The following KCNIP4 variants were observed in gnomAD, a reference collection of about 807,000 sequenced individuals.
KCNIP4 encodes the protein Kv channel-interacting protein 4.
A neutral mutation model predicts 34.0 loss-of-function variants in KCNIP4; 12 were observed. The ratio of observed to expected loss-of-function variants is 0.35; its 90% CI spans 0.23 to 0.57. The LOEUF is 0.57. KCNIP4 is among the 20% of genes least tolerant of loss of function. The pLI is 0.83. For missense variants in KCNIP4, 238 were observed against 311.7 expected (o/e 0.76, Z 1.78); for synonymous variants, 124 against 102.2 (o/e 1.21, Z -1.29).
In KCNIP4 at chr4:21,417,219, CAAGAA is replaced by C. The variant is rs372579895; in HGVS notation, c.61+531347_61+531351del. ...CCCAAACATAAGGTCGTGCAGAGCA[CAAGAA>C]AAGAGAGAGACTGTATTTCCATCAC... On this transcript the variant is annotated intron_variant, in intron 1 of 8. Coordinates refer to ENST00000382152, the MANE Select transcript of KCNIP4 (RefSeq NM_025221.6). Among the ~76,000 whole-genome samples, 506 of 151,860 alleles carry C rather than the reference CAAGAA, an allele frequency of 3.3e-3. 3 individuals carry two copies. Among genetic ancestry groups the C allele is most frequent in the African/African-American group, 0.012 (486 of 41,428 alleles).
At chr4:21,199,366 G>A (rs1011272221) in intron 1 of KCNIP4, among the ~76,000 whole-genome samples, 3 of 152,254 alleles carry the variant, frequency 2.0e-5, no homozygotes, top group African/African-American at 4.8e-5. Flanking sequence ...CTGCATAAAT[G>A]TCTTGAGAAC....
chr4:21,572,032 T>C (rs1176133999), intron 1 of KCNIP4, among the ~76,000 whole-genome samples: 1 of 152,138 alleles, frequency 6.6e-6, no homozygotes. Flanking sequence ...GCAAATAAGA[T>C]GCAAAAATAG....
chr4:20,950,917 A>G (rs913463161), intron 1 of KCNIP4, among the ~76,000 whole-genome samples: 6 of 152,064 alleles, frequency 3.9e-5, no homozygotes, highest in African/African-American at 1.4e-4. Context: ...TTCACAGAAT[A>G]CCACTCTAAA....
At chr4:20,904,163 G>A (rs1390441985) in intron 1 of KCNIP4, among the ~76,000 whole-genome samples, 1 of 152,002 alleles carries the variant, frequency 6.6e-6, no homozygotes, top group East Asian at 1.9e-4. Context: ...TGACTGTTGT[G>A]TTACCCTTCT....
chr4:21,756,951 G>T (rs1717570461), intron 1 of KCNIP4, among the ~76,000 whole-genome samples: 1 of 151,526 alleles, frequency 6.6e-6, no homozygotes, highest in African/African-American at 2.4e-5. Flanking sequence ...ACAAAAATTA[G>T]CCAGGTGTGG....
chr4:21,507,357 C>A (rs892129706), intron 1 of KCNIP4, among the ~76,000 whole-genome samples: 1 of 151,580 alleles, frequency 6.6e-6, no homozygotes, highest in Admixed American at 6.6e-5. Flanking sequence ...CTCCACCTCC[C>A]GGGTTCAAGC....
At chr4:21,062,175 G>A (rs1321318530) in intron 1 of KCNIP4, among the ~76,000 whole-genome samples, 2 of 152,054 alleles carry the variant, frequency 1.3e-5, no homozygotes, top group African/African-American at 4.8e-5. Flanking sequence ...CTGTGCTAAT[G>A]GATGTAGATG....
At chr4:21,074,833 TTG>T (rs1745326275) in intron 1 of KCNIP4, among the ~76,000 whole-genome samples, 3 of 152,208 alleles carry the variant, frequency 2.0e-5, no homozygotes, top group African/African-American at 7.2e-5. Context: ...TACTGCTATG[TTG>T]TGTCTTTGTT....
chr4:20,893,004 G>A (rs545655785), intron 1 of KCNIP4, among the ~76,000 whole-genome samples: 10 of 152,230 alleles, frequency 6.6e-5, no homozygotes, highest in African/African-American at 1.2e-4. Flanking sequence ...CAAGACCTTC[G>A]TTTGTCCAGG....
At chr4:21,859,631 A>C (rs1724955025) in intron 1 of KCNIP4, among the ~76,000 whole-genome samples, 1 of 151,916 alleles carries the variant, frequency 6.6e-6, no homozygotes, top group Admixed American at 6.6e-5. Flanking sequence ...CCATTTCAAA[A>C]AAAAAAAAGG....
chr4:21,177,197 A>C (rs1461494388), intron 1 of KCNIP4, among the ~76,000 whole-genome samples: 1 of 152,182 alleles, frequency 6.6e-6, no homozygotes, highest in African/African-American at 2.4e-5. Flanking sequence ...GAGTTAAAAA[A>C]ATCTGGCCCG....
At chr4:20,818,920 C>CTTTTTTTTTTTTTTTTTTTT (rs11382765) in intron 3 of KCNIP4, among the ~76,000 whole-genome samples, 1 of 104,954 alleles carries the variant, frequency 9.5e-6, no homozygotes, top group Non-Finnish European at 1.9e-5. Flanking sequence ...TATATTATCT[C>CTTTTTTTTTTTTTTTTTTTT]TTTTTTTTTT....
chr4:20,805,002 C>T (rs1001027785), intron 3 of KCNIP4, among the ~76,000 whole-genome samples: 1 of 151,856 alleles, frequency 6.6e-6, no homozygotes, highest in African/African-American at 2.4e-5. Flanking sequence ...TCCAAAATTT[C>T]CCAAGAAGGG....
At chr4:21,611,228 T>C in intron 1 of KCNIP4, among the ~76,000 whole-genome samples, 1 of 152,218 alleles carries the variant, frequency 6.6e-6, no homozygotes, top group South Asian at 2.1e-4. Flanking sequence ...TTGATGGGCA[T>C]TTGGGTTGGT....
At chr4:20,985,596 T>C (rs1466537014) in intron 1 of KCNIP4, among the ~76,000 whole-genome samples, 1 of 152,214 alleles carries the variant, frequency 6.6e-6, no homozygotes, top group Non-Finnish European at 1.5e-5. Context: ...GCTGCTACTA[T>C]GAGCTATAAA....
At chr4:20,981,865 G>A (rs1736099209) in intron 1 of KCNIP4, among the ~76,000 whole-genome samples, 1 of 152,128 alleles carries the variant, frequency 6.6e-6, no homozygotes, top group Non-Finnish European at 1.5e-5. Flanking sequence ...GTTTGTGTGT[G>A]TAGATATAGA....
intron 1 of KCNIP4, among the ~76,000 whole-genome samples, chr4:21,238,948 G>A (rs532153632): frequency 1.3e-5 from 2 of 152,264 alleles, no homozygotes; most frequent in South Asian, 2.1e-4. Flanking sequence ...CAAAGCTGGA[G>A]GCATCACGCT....
chr4:21,039,328 C>G (rs1741741763), intron 1 of KCNIP4, among the ~76,000 whole-genome samples: 1 of 151,392 alleles, frequency 6.6e-6, no homozygotes, highest in Non-Finnish European at 1.5e-5. Flanking sequence ...TGAGATCATG[C>G]CACTGCACTC....
At chr4:20,905,864 T>C (rs942652746) in intron 1 of KCNIP4, among the ~76,000 whole-genome samples, 1 of 151,988 alleles carries the variant, frequency 6.6e-6, no homozygotes, top group Admixed American at 6.6e-5. Flanking sequence ...AAAAAAACAG[T>C]TAAAGCTTAA....
Sources: allele counts gnomAD v4.1 joint callset (sites outside exome capture counted in the v4.1 genomes callset), GRCh38; gene constraint gnomAD v4.1.1; transcripts MANE v1.5; gene names NCBI Gene and HGNC (gene_info 2026-07-23, HGNC 2026-07-21).